The following RACGAP1 variants were observed in gnomAD, a reference collection of about 807,000 sequenced individuals.
RACGAP1 encodes rac GTPase-activating protein 1.
In RACGAP1, 30 loss-of-function variants were observed where a neutral mutation model predicts 78.1. The observed-to-expected ratio is 0.38, with a 90% confidence interval of 0.29 to 0.52. RACGAP1 has a LOEUF of 0.52. Among genes scored for constraint, RACGAP1 ranks in the 20% least tolerant of loss-of-function variants. RACGAP1 has a pLI of 0.82. For missense variants in RACGAP1, 587 were observed against 777.1 expected (o/e 0.76, Z 2.91); for synonymous variants, 231 against 264.8 (o/e 0.87, Z 1.24).
chr12:50,015,068 TG>T (rs1380384343), intron 2 of RACGAP1, among the ~76,000 whole-genome samples: 1 of 145,784 alleles, frequency 6.9e-6, no homozygotes, highest in Non-Finnish European at 1.5e-5. Context: ...AAGAGAGAGA[TG>T]GGGTTTTGCC....
intron 10 of RACGAP1, among the ~76,000 whole-genome samples, chr12:49,995,955 T>C (rs147681800): frequency 6.6e-6 from 1 of 152,264 alleles, no homozygotes; most frequent in East Asian, 1.9e-4. Flanking sequence ...TAGCTGAGAT[T>C]TGCTTCCAAG....
Position 49,997,148 on chromosome 12 carries a change from T to G in RACGAP1, c.936A>C (p.Leu312Phe), listed in dbSNP as rs748662276. 3 of 1,609,840 alleles carry G rather than the reference T, an allele frequency of 1.9e-6. No homozygotes were observed. Among genetic ancestry groups the G allele is most frequent in the Admixed American group, 3.3e-5 (2 of 59,872 alleles). ...CACGACAGTCTCGACACTTCAGAGA[T>G]AATTTGCCAAATTTTATCCGCTTTC... ...PCGKRIKFGKLSLKCRDCRVV... is the reference protein window; with the variant it reads ...PCGKRIKFGKFSLKCRDCRVV... Residue 312 changes from leucine to phenylalanine, a missense_variant, in exon 10 of 17, where the codon TTA becomes TTC. Coordinates refer to ENST00000312377, the MANE Select transcript of RACGAP1 (RefSeq NM_001319999.2).
intron 3 of RACGAP1, among the ~76,000 whole-genome samples, chr12:50,006,082 G>A (rs1361255834): frequency 2.0e-5 from 3 of 152,116 alleles, no homozygotes; most frequent in South Asian, 2.1e-4. Flanking sequence ...TGGATATTCC[G>A]GGTAGCACTT....
chr12:50,008,481 T>C (rs1389379337), intron 2 of RACGAP1, among the ~76,000 whole-genome samples: 26 of 150,316 alleles, frequency 1.7e-4, no homozygotes, highest in Non-Finnish European at 1.5e-4. Context: ...TTACAGGTGT[T>C]AGCCACTGTG....
intron 3 of RACGAP1, 125 bp from the exon 4 acceptor site, chr12:50,005,517 G>A (rs756228179): frequency 1.8e-4 from 189 of 1,051,684 alleles, no homozygotes; most frequent in Non-Finnish European, 2.2e-4. Flanking sequence ...CTTCAGGAAG[G>A]CTGCTACACC....
At chr12:50,020,617 C>T (rs887841990) in intron 1 of RACGAP1, among the ~76,000 whole-genome samples, 9 of 152,174 alleles carry the variant, frequency 5.9e-5, no homozygotes, top group African/African-American at 2.2e-4. Context: ...CAACCCAACA[C>T]ATTGAAGAGA....
rs370798234 is a variant in RACGAP1 at position 50,016,615 on chromosome 12, G to A, written c.85+16C>T. On this transcript the variant is annotated intron_variant, in intron 2 of 16. Transcript: ENST00000312377. ...ATCTGTTTTTCCTTTGGACAGGCCA[G>A]CTCAGAATGACTTACGGACTTCATT... is the stretch of plus-strand genomic sequence containing the variant. 1.3e-4 allele frequency: 209 copies of A among 1,608,292 alleles called. No individual in the cohort carries two copies. The highest frequency in any genetic ancestry group is 1.2e-4 in the Admixed American group (7 of 59,984).
At chr12:50,005,816 T>C (rs1471480113) in intron 3 of RACGAP1, among the ~76,000 whole-genome samples, 1 of 152,220 alleles carries the variant, frequency 6.6e-6, no homozygotes, top group African/African-American at 2.4e-5. Flanking sequence ...TATAATGCAC[T>C]GGAACCAGAC....
At chr12:50,029,622 G>A (rs570477949), upstream of RACGAP1, among the ~76,000 whole-genome samples, 30 of 151,874 alleles carry the variant, frequency 2.0e-4, no homozygotes, top group East Asian at 4.7e-3. Context: ...GGCTGGGCAC[G>A]GTGGCTCACG....
At chr12:50,008,233 T>A (rs909506515) in intron 2 of RACGAP1, among the ~76,000 whole-genome samples, 1 of 149,830 alleles carries the variant, frequency 6.7e-6, no homozygotes, top group Non-Finnish European at 1.5e-5. Flanking sequence ...AGTTTCACTC[T>A]TGTTGCCCAG....
At position 49,997,059 on chromosome 12, in the gene RACGAP1, G is replaced by C. The variant is rs763861673; in HGVS notation, c.1025C>G (p.Thr342Arg). 1 of 1,554,768 alleles carries C rather than the reference G, an allele frequency of 6.4e-7. No individual in the cohort carries two copies. Among genetic ancestry groups the C allele is most frequent in the Admixed American group, 1.8e-5 (1 of 55,444 alleles). ...TCATACCTCTCCAATCTTGACAGGT[G>C]TTCCTATCAGGGTAGGAATGCAGGG... ...PLPCIPTLIG[T>R]PVKIGEGMLA... Residue 342 changes from threonine to arginine, a missense_variant, in exon 10 of 17, where the codon ACA becomes AGA. Physicochemically the swap from Thr to Arg is moderately conservative, Grantham distance 71. Transcript: ENST00000312377.
At chr12:50,015,656 G>A (rs927802148) in intron 2 of RACGAP1, among the ~76,000 whole-genome samples, 3 of 151,894 alleles carry the variant, frequency 2.0e-5, no homozygotes, top group African/African-American at 4.8e-5. Flanking sequence ...AAAAAAATTA[G>A]CCGGACGTGG....
chr12:50,017,621 C>CT, intron 1 of RACGAP1, among the ~76,000 whole-genome samples: 1 of 152,224 alleles, frequency 6.6e-6, no homozygotes, highest in African/African-American at 2.4e-5. Flanking sequence ...GTTATGAAAA[C>CT]TATCAAGGAA....
intron 2 of RACGAP1, among the ~76,000 whole-genome samples, chr12:50,007,648 A>C (rs1373440785): frequency 6.6e-6 from 1 of 152,254 alleles, no homozygotes; most frequent in African/African-American, 2.4e-5. Flanking sequence ...GCATAGAAAC[A>C]ATACATAGTC....
chr12:50,006,489 T>C lies in RACGAP1; in HGVS notation c.233A>G (p.Gln78Arg). 1 of 1,614,222 alleles carries C rather than the reference T, an allele frequency of 6.2e-7. No homozygotes were observed. Among genetic ancestry groups the C allele is most frequent in the South Asian group, 1.1e-5 (1 of 91,080 alleles). Residue 78 changes from glutamine to arginine, a missense_variant, in exon 3 of 17, where the codon CAG becomes CGG. Coordinates refer to ENST00000312377, the MANE Select transcript of RACGAP1 (RefSeq NM_001319999.2). ...LDVKLKHARN[Q>R]VDVEIKRRQR... ...TCTCCGTTTGATCTCTACATCCACCTGATTACGTGCATGCTTCAGCTTAAC... is the reference window on the plus strand; with the variant it reads ...TCTCCGTTTGATCTCTACATCCACCCGATTACGTGCATGCTTCAGCTTAAC...
chr12:50,032,781 G>A (rs1950347207), intron 1 of RACGAP1, among the ~76,000 whole-genome samples: 1 of 152,196 alleles, frequency 6.6e-6, no homozygotes, highest in Admixed American at 6.5e-5. Context: ...GGCGAGACGC[G>A]CGCTCTGAGT....
chr12:50,006,778 TAGG>T, intron 2 of RACGAP1, 142 bp from the exon 3 acceptor site: 1 of 821,750 alleles, frequency 1.2e-6, no homozygotes, highest in Non-Finnish European at 1.9e-6. Flanking sequence ...TGAAAATAAC[TAGG>T]AGCAGATCCT....
At position 49,989,707 on chromosome 12, in the gene RACGAP1, C is replaced by G. The variant is rs1285968257; in HGVS notation, c.*561G>C. ...ATACTCCCATCACTAGTTCTGTCCT[C>G]AATGCATCCCATTTTTATGAAAGCT... On this transcript the variant is annotated 3_prime_UTR_variant, in exon 17 of 17. Coordinates refer to ENST00000312377, the MANE Select transcript of RACGAP1 (RefSeq NM_001319999.2). 6.6e-6 allele frequency: 1 copy of G among 152,640 alleles called. No individual in the cohort carries two copies. The highest frequency in any genetic ancestry group is 2.4e-5 in the African/African-American group (1 of 41,418). The allele number at this position is 152,640 out of a possible 1,614,324, so 9.5% of individuals were successfully genotyped here.
chr12:49,999,778 C>T lies in RACGAP1; in HGVS notation c.631-45G>A, dbSNP rs1326450085. Reference sequence around the variant, plus strand: ...GAGGAAAGACAAACAAAGAATCTAACTTACCCTCCACTATAGGGTATTTTG... The same window carrying T: ...GAGGAAAGACAAACAAAGAATCTAATTTACCCTCCACTATAGGGTATTTTG... On this transcript the variant is annotated intron_variant, in intron 7 of 16. Transcript: ENST00000312377. 3 of 1,455,358 alleles carry T rather than the reference C, an allele frequency of 2.1e-6. No homozygotes were observed. The Admixed American group carries it at 5.0e-5, about 24-fold the overall frequency. The allele number at this position is 1,455,358 out of a possible 1,614,324, so 90.2% of individuals were successfully genotyped here. A position where few individuals can be genotyped will look rare whatever the true frequency, so the allele number is the denominator to read the frequency against.
Sources: allele counts gnomAD v4.1 joint callset (sites outside exome capture counted in the v4.1 genomes callset), GRCh38; gene constraint gnomAD v4.1.1; transcripts MANE v1.5; gene names NCBI Gene and HGNC (gene_info 2026-07-23, HGNC 2026-07-21).